The following GRIK2 variants were observed in gnomAD, a reference collection of about 807,000 sequenced individuals.
GRIK2 encodes glutamate ionotropic receptor kainate type subunit 2, also known as glutamate receptor ionotropic, kainate 2.
Under a neutral mutation model 100.3 loss-of-function variants are expected in GRIK2, and 32 were observed. That is an observed-to-expected ratio of 0.32 (90% CI 0.24 to 0.43). GRIK2 has a LOEUF of 0.43. GRIK2 is among the 20% of genes least tolerant of loss of function. The pLI is 1.00. For synonymous variants in GRIK2, 417 were observed against 389.4 expected (o/e 1.07, Z -0.83); for missense variants, 843 against 1,114.9 (o/e 0.76, Z 3.47).
At chr6:101,971,983 A>G (rs539472036) in intron 14 of GRIK2, among the ~76,000 whole-genome samples, 1 of 151,894 alleles carries the variant, frequency 6.6e-6, no homozygotes, top group Admixed American at 6.6e-5. Context: ...TATTTTCTTT[A>G]TCTGTTCCAC....
chr6:101,685,014 A>G (rs1455887501), intron 6 of GRIK2, among the ~76,000 whole-genome samples: 1 of 152,084 alleles, frequency 6.6e-6, no homozygotes, highest in African/African-American at 2.4e-5. Context: ...TCAATTTCCT[A>G]TAGCCAAGTA....
rs928254843 is a variant in GRIK2, at chr6:101,717,147, G to A, written c.951+30794G>A. Among the ~76,000 whole-genome samples, 9 of 151,734 alleles carry A rather than the reference G, an allele frequency of 5.9e-5. No homozygotes were observed. The East Asian group carries it at 1.6e-3, about 26-fold the overall frequency. On this transcript the variant is annotated intron_variant, in intron 7 of 16. Transcript: ENST00000369134. ...GAAAGTGTTTGGATTTGTTCTGGGG[G>A]TGTTTCTGGTTTAGCAAGCCTTGTA... is the stretch of plus-strand genomic sequence containing the variant.
At chr6:101,962,149 C>A (rs1792344938) in intron 14 of GRIK2, among the ~76,000 whole-genome samples, 1 of 152,122 alleles carries the variant, frequency 6.6e-6, no homozygotes, top group Non-Finnish European at 1.5e-5. Flanking sequence ...ACTCCAAGAT[C>A]TTCAGGGGTC....
intron 7 of GRIK2, among the ~76,000 whole-genome samples, chr6:101,757,697 T>C (rs982170538): frequency 3.3e-5 from 5 of 152,212 alleles, no homozygotes; most frequent in South Asian, 4.1e-4. Context: ...AGGCCTCTCT[T>C]TCATAAATCC....
At chr6:101,561,197 T>C (rs958965668) in intron 2 of GRIK2, among the ~76,000 whole-genome samples, 2 of 152,138 alleles carry the variant, frequency 1.3e-5, no homozygotes, top group Non-Finnish European at 2.9e-5. Flanking sequence ...AAGATGAAGG[T>C]CAAGGAAGTT....
At chr6:101,708,602 A>G (rs966096110) in intron 7 of GRIK2, among the ~76,000 whole-genome samples, 2 of 151,766 alleles carry the variant, frequency 1.3e-5, no homozygotes, top group Non-Finnish European at 2.9e-5. Flanking sequence ...ACTGATAAAT[A>G]TGTTGATTGT....
intron 7 of GRIK2, among the ~76,000 whole-genome samples, chr6:101,721,949 C>T (rs531960024): frequency 4.6e-5 from 7 of 151,714 alleles, no homozygotes; most frequent in Admixed American, 1.3e-4. Flanking sequence ...CCTTTTTTTC[C>T]GATTTATTTT....
chr6:102,043,123 T>G (rs1721624226), intron 15 of GRIK2, among the ~76,000 whole-genome samples: 1 of 151,796 alleles, frequency 6.6e-6, no homozygotes, highest in Non-Finnish European at 1.5e-5. Context: ...CTATAAATAT[T>G]CCTTCAATTA....
At chr6:101,857,327 G>A (rs1396927792) in intron 10 of GRIK2, among the ~76,000 whole-genome samples, 1 of 152,184 alleles carries the variant, frequency 6.6e-6, no homozygotes, top group Admixed American at 6.5e-5. Context: ...GCCAATCTCT[G>A]ACCAGGACTT....
At chr6:101,750,953 T>G (rs1293957605) in intron 7 of GRIK2, among the ~76,000 whole-genome samples, 1 of 152,224 alleles carries the variant, frequency 6.6e-6, no homozygotes, top group Non-Finnish European at 1.5e-5. Flanking sequence ...AATTTTAAAT[T>G]CTCTCATCAT....
intron 14 of GRIK2, among the ~76,000 whole-genome samples, chr6:101,958,107 G>A (rs1030958834): frequency 1.3e-5 from 2 of 152,032 alleles, no homozygotes; most frequent in African/African-American, 4.8e-5. Flanking sequence ...AGGAAGTATG[G>A]TCATTTTAAC....
intron 4 of GRIK2, among the ~76,000 whole-genome samples, chr6:101,655,866 T>A (rs1212038355): frequency 6.6e-6 from 1 of 152,142 alleles, no homozygotes; most frequent in Non-Finnish European, 1.5e-5. Flanking sequence ...TAATATCAGT[T>A]ATGAGAGAGG....
chr6:101,447,823 T>G, intron 2 of GRIK2, among the ~76,000 whole-genome samples: 1 of 151,680 alleles, frequency 6.6e-6, no homozygotes, highest in East Asian at 1.9e-4. Context: ...GTCAATTTCA[T>G]GTGAATAGCT....
chr6:101,591,971 TG>T (rs1326856860), intron 2 of GRIK2, among the ~76,000 whole-genome samples: 8 of 151,998 alleles, frequency 5.3e-5, no homozygotes, highest in African/African-American at 1.9e-4. Flanking sequence ...TCCTCATGAA[TG>T]GCTTAGTGTC....
At chr6:101,677,970 T>A (rs1770962071) in intron 5 of GRIK2, among the ~76,000 whole-genome samples, 1 of 152,186 alleles carries the variant, frequency 6.6e-6, no homozygotes, top group South Asian at 2.1e-4. Context: ...TTTTTGGGTT[T>A]TTTTGGCAAC....
chr6:101,895,038 T>C (rs766981807), intron 12 of GRIK2, among the ~76,000 whole-genome samples: 2 of 151,724 alleles, frequency 1.3e-5, no homozygotes, highest in Non-Finnish European at 3.0e-5. Flanking sequence ...GGAGAATAAA[T>C]TACTATACCA....
intron 2 of GRIK2, among the ~76,000 whole-genome samples, chr6:101,571,330 T>C (rs1178642589): frequency 6.6e-6 from 1 of 152,060 alleles, no homozygotes; most frequent in Non-Finnish European, 1.5e-5. Flanking sequence ...ATAATAATAA[T>C]AAAAATAATA....
intron 2 of GRIK2, among the ~76,000 whole-genome samples, chr6:101,400,706 C>T (rs1490205300): frequency 2.0e-5 from 3 of 152,214 alleles, no homozygotes; most frequent in Non-Finnish European, 4.4e-5. Context: ...TTCACCATCT[C>T]TCCTAGGCTT....
intron 11 of GRIK2, among the ~76,000 whole-genome samples, chr6:101,878,112 A>ATATTATATT (rs1785990411): frequency 6.8e-6 from 1 of 146,942 alleles, no homozygotes; most frequent in Non-Finnish European, 1.5e-5. Flanking sequence ...ATATTATATT[A>ATATTATATT]TATTATATTA....
Sources: allele counts gnomAD v4.1 joint callset (sites outside exome capture counted in the v4.1 genomes callset), GRCh38; gene constraint gnomAD v4.1.1; transcripts MANE v1.5; gene names NCBI Gene and HGNC (gene_info 2026-07-23, HGNC 2026-07-21).